Variants in PRKG1 observed in about 807,000 individuals in gnomAD.
PRKG1 encodes protein kinase cGMP-dependent 1.
Under a neutral mutation model 88.1 loss-of-function variants are expected in PRKG1, and 35 were observed. The observed-to-expected ratio is 0.40, with a 90% CI of 0.30 to 0.53. The LOEUF (loss-of-function observed/expected upper bound fraction) is 0.53, where lower values mean the gene tolerates loss of function less well. Ranked by LOEUF, PRKG1 falls within the 20% of genes least tolerant of loss-of-function variation. The pLI, the probability that PRKG1 is intolerant of heterozygous loss-of-function variation, is 0.59. For synonymous variants in PRKG1, 303 were observed against 292.5 expected (o/e 1.04, Z -0.37); for missense variants, 540 against 839.8 (o/e 0.64, Z 4.41).
chr10:52,228,573 CT>C (rs902540667), intron 9 of PRKG1, among the ~76,000 whole-genome samples: 1 of 152,110 alleles, frequency 6.6e-6, no homozygotes, highest in Non-Finnish European at 1.5e-5. Flanking sequence ...TTCATTTTAC[CT>C]GAGCAAACAT....
At chr10:51,018,974 T>A (rs1194320740) in intron 1 of PRKG1, among the ~76,000 whole-genome samples, 1 of 152,184 alleles carries the variant, frequency 6.6e-6, no homozygotes, top group Admixed American at 6.5e-5. Flanking sequence ...TTTTAAATAA[T>A]GGGATTTATA....
At chr10:51,524,751 G>A (rs1766272533) in intron 3 of PRKG1, among the ~76,000 whole-genome samples, 1 of 152,188 alleles carries the variant, frequency 6.6e-6, no homozygotes, top group Admixed American at 6.5e-5. Context: ...AAAATGAATA[G>A]GGATGATAAA....
intron 2 of PRKG1, among the ~76,000 whole-genome samples, chr10:51,354,162 G>A (rs1564458822): frequency 6.7e-6 from 1 of 149,954 alleles, no homozygotes; most frequent in African/African-American, 2.5e-5. Context: ...GGGAAGGGTC[G>A]TGATGGGGGC....
intron 2 of PRKG1, among the ~76,000 whole-genome samples, chr10:51,184,304 A>G (rs1330433566): frequency 2.0e-5 from 3 of 152,186 alleles, no homozygotes; most frequent in Non-Finnish European, 2.9e-5. Context: ...TGATGGAGCA[A>G]TGTTCATGGA....
chr10:51,402,523 C>T (rs1309173427), intron 2 of PRKG1, among the ~76,000 whole-genome samples: 1 of 152,144 alleles, frequency 6.6e-6, no homozygotes, highest in African/African-American at 2.4e-5. Flanking sequence ...TCAGCTAGGA[C>T]CCACAGTGTT....
At chr10:52,175,777 G>A (rs1167017170) in intron 9 of PRKG1, among the ~76,000 whole-genome samples, 1 of 151,872 alleles carries the variant, frequency 6.6e-6, no homozygotes, top group African/African-American at 2.4e-5. Flanking sequence ...ATATTTGTTG[G>A]CCATTTGTAT....
intron 8 of PRKG1, among the ~76,000 whole-genome samples, chr10:52,159,328 T>C (rs920493005): frequency 4.6e-5 from 7 of 151,582 alleles, no homozygotes; most frequent in Middle Eastern, 3.6e-3. Flanking sequence ...ACATAGAACA[T>C]TCATATTTTA....
chr10:52,141,751 A>G (rs138739374), intron 8 of PRKG1, among the ~76,000 whole-genome samples: 8 of 152,298 alleles, frequency 5.3e-5, no homozygotes, highest in Admixed American at 1.3e-4. Flanking sequence ...ATTATTGTTA[A>G]AAAATGTATA....
At chr10:51,680,101 A>G (rs529774006) in intron 3 of PRKG1, among the ~76,000 whole-genome samples, 5 of 152,250 alleles carry the variant, frequency 3.3e-5, no homozygotes, top group South Asian at 2.1e-4. Context: ...TCATCTGCAT[A>G]TGGTGTCAAT....
intron 3 of PRKG1, among the ~76,000 whole-genome samples, chr10:51,546,056 A>T (rs1393107704): frequency 1.4e-5 from 2 of 145,896 alleles, no homozygotes. Context: ...ATCTACAGGT[A>T]TTTTTTTTTT....
chr10:51,736,077 C>G (rs1314637677), intron 3 of PRKG1, among the ~76,000 whole-genome samples: 1 of 150,616 alleles, frequency 6.6e-6, no homozygotes, highest in Admixed American at 6.6e-5. Flanking sequence ...ATTTTTGTAG[C>G]TATGGGGTTT....
At chr10:52,014,412 C>A (rs1564429745) in intron 5 of PRKG1, among the ~76,000 whole-genome samples, 1 of 152,092 alleles carries the variant, frequency 6.6e-6, no homozygotes, top group African/African-American at 2.4e-5. Context: ...CATGATAACA[C>A]CATGGCGGAA....
intron 1 of PRKG1, among the ~76,000 whole-genome samples, chr10:50,998,044 C>T (rs967794306): frequency 2.6e-5 from 4 of 152,148 alleles, no homozygotes; most frequent in East Asian, 1.9e-4. Flanking sequence ...ATAAGTAGAT[C>T]ACAGCATCTT....
At chr10:52,233,727 A>G (rs1589720607) in intron 9 of PRKG1, among the ~76,000 whole-genome samples, 1 of 147,988 alleles carries the variant, frequency 6.8e-6, no homozygotes, top group Non-Finnish European at 1.5e-5. Context: ...GGCGGCAGCG[A>G]GGCTGGGGGA....
At chr10:51,770,364 T>G (rs1476408279) in intron 3 of PRKG1, among the ~76,000 whole-genome samples, 2 of 152,206 alleles carry the variant, frequency 1.3e-5, no homozygotes, top group Admixed American at 6.5e-5. Context: ...GCATCAGCAA[T>G]CATCTGGAAG....
intron 1 of PRKG1, among the ~76,000 whole-genome samples, chr10:51,010,335 G>A (rs1842979345): frequency 6.6e-6 from 1 of 152,146 alleles, no homozygotes; most frequent in African/African-American, 2.4e-5. Flanking sequence ...TTATTATGTT[G>A]GAAAACAGAA....
chr10:51,774,031 C>T (rs144316749), intron 3 of PRKG1, among the ~76,000 whole-genome samples: 1 of 152,248 alleles, frequency 6.6e-6, no homozygotes, highest in Non-Finnish European at 1.5e-5. Context: ...ATGTGCAAGA[C>T]ACTTTACTTA....
intron 2 of PRKG1, among the ~76,000 whole-genome samples, chr10:51,390,798 A>C (rs1837375064): frequency 6.6e-6 from 1 of 152,172 alleles, no homozygotes; most frequent in South Asian, 2.1e-4. Context: ...CCTCGAGGGA[A>C]CATTTGGCAA....
chr10:51,486,622 T>C (rs2132859873), intron 3 of PRKG1, among the ~76,000 whole-genome samples: 1 of 152,262 alleles, frequency 6.6e-6, no homozygotes, highest in Admixed American at 6.5e-5. Context: ...AAAATAGCTT[T>C]TTGGAGGAAA....
Sources: allele counts gnomAD v4.1 joint callset (sites outside exome capture counted in the v4.1 genomes callset), GRCh38; gene constraint gnomAD v4.1.1; transcripts MANE v1.5; gene names NCBI Gene and HGNC (gene_info 2026-07-23, HGNC 2026-07-21).